Variants in PROM1 observed in about 807,000 individuals in gnomAD.
The protein encoded by PROM1 is prominin 1.
A neutral mutation model predicts 116.9 loss-of-function variants in PROM1; 105 were observed. The ratio of observed to expected loss-of-function variants is 0.90; its 90% CI spans 0.77 to 1.06. The LOEUF (loss-of-function observed/expected upper bound fraction) is 1.06, where lower values mean the gene tolerates loss of function less well. Among genes scored for constraint, PROM1 ranks in the 50% least tolerant of loss-of-function variants. The pLI is 0.00. For synonymous variants in PROM1, 393 were observed against 387.0 expected (o/e 1.02, Z -0.18); for missense variants, 1,122 against 1,045.2 (o/e 1.07, Z -1.01).
At chr4:16,048,227 AC>A (rs993529089) in intron 2 of PROM1, among the ~76,000 whole-genome samples, 2 of 151,948 alleles carry the variant, frequency 1.3e-5, no homozygotes, top group Non-Finnish European at 2.9e-5. Flanking sequence ...TTCTGGGGGG[AC>A]CCAAACAGTA....
chr4:15,968,304 C>A lies in PROM1; in HGVS notation c.*1089G>T, dbSNP rs1713569958. ...TGAAAAGACCTGGGGGGAATGCCTA[C>A]ATCTGGAATTTCATTACATCAACGT... On this transcript the variant is annotated 3_prime_UTR_variant, in exon 28 of 28. Transcript: ENST00000447510. 6.6e-6 allele frequency: 1 copy of A among 152,218 alleles called. No individual in the cohort carries two copies. Among genetic ancestry groups the A allele is most frequent in the Admixed American group, 6.5e-5 (1 of 15,282 alleles). 9.4% of individuals were successfully genotyped at this position (152,218 alleles called of 1,614,324 possible).
At chr4:16,077,149 G>A (rs1282770167) in intron 1 of PROM1, among the ~76,000 whole-genome samples, 1 of 151,680 alleles carries the variant, frequency 6.6e-6, no homozygotes. Flanking sequence ...GAGACAAGAG[G>A]AAGGCATCTG....
chr4:16,059,354 G>GA lies in PROM1; in HGVS notation c.220+16332dup, dbSNP rs544983390. 7.6e-4 allele frequency among the ~76,000 whole-genome samples: 115 copies of GA among 152,240 alleles called. 1 individual carries two copies. The highest frequency in any genetic ancestry group is 2.7e-3 in the African/African-American group (114 of 41,524). On this transcript the variant is annotated intron_variant, in intron 2 of 27. Transcript: ENST00000447510. ...CAGTGAGCTGTTTCTGCATTTTTCT[G>GA]ATGTATAGGTAAACTGGTTCAACAT... is the stretch of plus-strand genomic sequence containing the variant.
chr4:16,035,677 C>G, intron 4 of PROM1, 58 bp downstream of exon 4: 1 of 1,472,324 alleles, frequency 6.8e-7, no homozygotes, highest in South Asian at 1.1e-5. Flanking sequence ...GTGAGGATGA[C>G]AGTGAAGAAC....
chr4:15,999,140 T>A (rs1291041717), intron 14 of PROM1, among the ~76,000 whole-genome samples: 1 of 152,194 alleles, frequency 6.6e-6, no homozygotes, highest in Admixed American at 6.5e-5. Flanking sequence ...GTGGACCCAG[T>A]GCTGCGCTAT....
At chr4:15,977,992 C>T (rs1032923989) in intron 26 of PROM1, among the ~76,000 whole-genome samples, 7 of 152,124 alleles carry the variant, frequency 4.6e-5, no homozygotes, top group African/African-American at 1.7e-4. Flanking sequence ...ATCACGGTGA[C>T]GCTTTAGGTC....
rs916525982 is a variant in PROM1, at chr4:16,057,018, C to T, written c.221-18017G>A. ...CTGCTCCTGTTTTTGCAATACAACGCTTAGGAAGCTGTCATTTCTGAAGTC... is the reference window on the plus strand; with the variant it reads ...CTGCTCCTGTTTTTGCAATACAACGTTTAGGAAGCTGTCATTTCTGAAGTC... On this transcript the variant is annotated intron_variant, in intron 2 of 27. Transcript: ENST00000447510. 2.6e-5 allele frequency among the ~76,000 whole-genome samples: 4 copies of T among 152,232 alleles called. No individual in the cohort carries two copies. In the South Asian group the frequency reaches 8.3e-4, roughly 31 times the overall value.
chr4:16,011,464 G>A (rs753749325), intron 11 of PROM1, among the ~76,000 whole-genome samples: 17 of 152,216 alleles, frequency 1.1e-4, no homozygotes, highest in Non-Finnish European at 2.2e-4. Context: ...TGCTATCCAG[G>A]CTGACAGAGC....
intron 2 of PROM1, among the ~76,000 whole-genome samples, chr4:16,061,890 T>A (rs1396104455): frequency 3.5e-3 from 13 of 3,758 alleles, no homozygotes; most frequent in Non-Finnish European, 8.4e-3. Context: ...CAAATTTCCT[T>A]TTTTTTTTTT....
At chr4:16,077,306 G>C (rs1400890490) in intron 1 of PROM1, among the ~76,000 whole-genome samples, 2 of 152,182 alleles carry the variant, frequency 1.3e-5, no homozygotes, top group Non-Finnish European at 2.9e-5. Flanking sequence ...AGATGTTTAT[G>C]GGTATGCATA....
chr4:16,005,495 G>GTGT (rs1725209873), intron 13 of PROM1, among the ~76,000 whole-genome samples: 1 of 145,800 alleles, frequency 6.9e-6, no homozygotes, highest in African/African-American at 2.6e-5. Context: ...TTGTTTGTTT[G>GTGT]GTGTGTGTGT....
intron 5 of PROM1, 139 bp downstream of exon 5, chr4:16,033,163 GCT>G: frequency 1.4e-6 from 1 of 690,194 alleles, no homozygotes; most frequent in East Asian, 2.7e-5. Flanking sequence ...AAGCGCTTGT[GCT>G]CTCTCTTTTC....
chr4:16,014,890 T>C (rs1363932293), intron 10 of PROM1, among the ~76,000 whole-genome samples: 1 of 152,254 alleles, frequency 6.6e-6, no homozygotes, highest in Non-Finnish European at 1.5e-5. Context: ...AGACCAATGC[T>C]GTCCCTGCGT....
intron 14 of PROM1, among the ~76,000 whole-genome samples, chr4:15,999,209 C>T (rs1001721272): frequency 1.2e-4 from 19 of 152,030 alleles, no homozygotes; most frequent in South Asian, 2.1e-4. Context: ...CTGTGGCTCA[C>T]GCCTGTAATC....
intron 13 of PROM1, among the ~76,000 whole-genome samples, chr4:16,005,909 A>T (rs1386598702): frequency 1.3e-5 from 2 of 152,210 alleles, no homozygotes; most frequent in African/African-American, 4.8e-5. Context: ...GCTTTGTCGT[A>T]TCCATAGAGT....
At chr4:16,033,149 A>G (rs1733138051) in intron 5 of PROM1, among the ~76,000 whole-genome samples, 155 bp downstream of exon 5, 1 of 152,144 alleles carries the variant, frequency 6.6e-6, no homozygotes, top group African/African-American at 2.4e-5. Context: ...GAATCACTCT[A>G]GACAAGCGCT....
chr4:16,065,616 C>T (rs181619388), intron 2 of PROM1, among the ~76,000 whole-genome samples: 1 of 152,234 alleles, frequency 6.6e-6, no homozygotes, highest in Admixed American at 6.5e-5. Flanking sequence ...GGCTTGGTGC[C>T]CAGTAGATGC....
intron 13 of PROM1, among the ~76,000 whole-genome samples, chr4:16,002,185 T>G (rs1344515779): frequency 6.6e-6 from 1 of 151,446 alleles, no homozygotes; most frequent in Non-Finnish European, 1.5e-5. Context: ...AAAAGACTGT[T>G]GCAGGAAAGT....
intron 2 of PROM1, among the ~76,000 whole-genome samples, chr4:16,051,102 C>T (rs1737770601): frequency 6.6e-6 from 1 of 152,164 alleles, no homozygotes; most frequent in Admixed American, 6.5e-5. Context: ...AATATGTGAG[C>T]TGCGTCTTAA....
Sources: allele counts gnomAD v4.1 joint callset (sites outside exome capture counted in the v4.1 genomes callset), GRCh38; gene constraint gnomAD v4.1.1; transcripts MANE v1.5; gene names NCBI Gene and HGNC (gene_info 2026-07-23, HGNC 2026-07-21).